The following TTLL4 variants were observed in gnomAD, a reference collection of about 807,000 sequenced individuals.
The protein encoded by TTLL4 is tubulin tyrosine ligase like 4, also known as tubulin monoglutamylase TTLL4.
Under a neutral mutation model 122.7 loss-of-function variants are expected in TTLL4, and 85 were observed. That is an observed-to-expected ratio of 0.69 (90% CI 0.58 to 0.83). The LOEUF (loss-of-function observed/expected upper bound fraction) is 0.83. TTLL4 is among the 40% of genes least tolerant of loss of function. The pLI is 0.00. For synonymous variants in TTLL4, 553 were observed against 563.0 expected, an observed-to-expected ratio of 0.98 and a Z score of 0.25; for missense variants, 1,363 against 1,488.6, an observed-to-expected ratio of 0.92 and a Z score of 1.39.
At chr2:218,725,361 A>C (rs1043692668) in intron 1 of TTLL4, among the ~76,000 whole-genome samples, 10 of 151,766 alleles carry the variant, frequency 6.6e-5, no homozygotes, top group African/African-American at 2.2e-4. Context: ...CTGGGATTAC[A>C]GGCATGTGCC....
In TTLL4 at chr2:218,747,160, A is replaced by T. The variant is rs1245043080; in HGVS notation, c.2132A>T (p.Glu711Val). 1.2e-6 allele frequency: 2 copies of T among 1,614,100 alleles called. No individual in the cohort carries two copies. Among genetic ancestry groups the T allele is most frequent in the African/African-American group, 2.7e-5 (2 of 74,946 alleles). The change falls in exon 9 of 20, where the codon GAG becomes GTG. Residue 711 changes from glutamate to valine, a missense_variant. Physicochemically the swap from Glu to Val is moderately radical, Grantham distance 121. Around this residue, in one of 3 missense-constraint regions of TTLL4, gnomAD observed 596 missense variants for 655.8 expected, o/e 0.91. Transcript: ENST00000392102. The surrounding 1 kb of genome is among the most constrained non-coding windows in gnomAD (Gnocchi z 4.7). ...QDAKLLRKAW[E>V]SSSRQKWIVK... ...GCCAAGCTCCTGCGCAAAGCGTGGG[A>T]GAGCAGCAGCCGCCAAAAGTGGATT...
intron 5 of TTLL4, among the ~76,000 whole-genome samples, chr2:218,743,882 T>C (rs866613447): frequency 6.6e-6 from 1 of 152,190 alleles, no homozygotes; most frequent in South Asian, 2.1e-4. Flanking sequence ...TTTCCCCATG[T>C]TGGTCAGGCT....
intron 1 of TTLL4, among the ~76,000 whole-genome samples, chr2:218,711,644 G>A (rs1044963004): frequency 7.2e-5 from 11 of 152,092 alleles, no homozygotes; most frequent in African/African-American, 2.7e-4. Context: ...TGGCTAATAG[G>A]ACAAGCATGT....
intron 1 of TTLL4, among the ~76,000 whole-genome samples, chr2:218,721,790 T>C (rs971716824): frequency 2.6e-5 from 4 of 152,114 alleles, no homozygotes; most frequent in Admixed American, 1.3e-4. Flanking sequence ...TTCTGGAAGA[T>C]AGACAGATAG....
rs376249197 is a variant in TTLL4, at chr2:218,748,887, C to T, written c.2553C>T (p.Asp851=). 40 of 1,614,002 alleles carry T rather than the reference C, an allele frequency of 2.5e-5. No homozygotes were observed. The highest frequency in any genetic ancestry group is 2.5e-4 in the East Asian group (11 of 44,860). The change falls in exon 13 of 20, where the codon GAC becomes GAT. Residue 851 remains aspartate (D), a synonymous_variant. Transcript: ENST00000392102. Reference sequence around the variant, plus strand: ...TGAGCCAGAAGGGAGTCAATAGCGACGCCATCTGGGAGAAGATAAAGGATG... The same window carrying T: ...TGAGCCAGAAGGGAGTCAATAGCGATGCCATCTGGGAGAAGATAAAGGATG... ...NYLSQKGVNS[D]AIWEKIKDVV...
chr2:218,715,379 A>G (rs111593419), intron 1 of TTLL4, among the ~76,000 whole-genome samples: 2 of 152,334 alleles, frequency 1.3e-5, no homozygotes, highest in African/African-American at 4.8e-5. Context: ...ATCAGTGAAC[A>G]TTTCATACTT....
At chr2:218,718,435 A>G (rs1450099041) in intron 1 of TTLL4, among the ~76,000 whole-genome samples, 12 of 151,044 alleles carry the variant, frequency 7.9e-5, no homozygotes, top group Admixed American at 7.3e-4. Context: ...CTGGAGTGCA[A>G]TGGCGCAATC....
chr2:218,718,584 C>G (rs1467382201), intron 1 of TTLL4, among the ~76,000 whole-genome samples: 2 of 152,046 alleles, frequency 1.3e-5, no homozygotes, highest in African/African-American at 4.8e-5. Flanking sequence ...CTCCATGTTG[C>G]TCAGGCTGGT....
chr2:218,746,738 A>C, intron 8 of TTLL4: 1 of 501,910 alleles, frequency 2.0e-6, no homozygotes, highest in South Asian at 2.6e-5. Context: ...ATAGGGTTTC[A>C]TGGATAAAGA....
chr2:218,713,673 C>A (rs1197640511), intron 1 of TTLL4, among the ~76,000 whole-genome samples: 2 of 152,090 alleles, frequency 1.3e-5, no homozygotes, highest in African/African-American at 2.4e-5. Flanking sequence ...TCCAGGAAAA[C>A]CACAGAAAGA....
In TTLL4 at chr2:218,747,729, T is replaced by C. The variant is rs1559372760; in HGVS notation, c.2378+4T>C. ...TGGTCCGCTTTGCCAGTTGCAAGTA[T>C]GTGACAGTGGTGAGGTATCCTCTGA... On this transcript the variant is annotated splice_donor_region_variant and intron_variant, in intron 11 of 19. Transcript: ENST00000392102. This position sits in a 1 kb window ranked among gnomAD's most constrained non-coding sequence, Gnocchi z 4.7. 2 of 1,614,200 alleles carry C rather than the reference T, an allele frequency of 1.2e-6. No individual in the cohort carries two copies. The highest frequency in any genetic ancestry group is 1.7e-6 in the Non-Finnish European group (2 of 1,180,022).
chr2:218,733,098 CAGAA>C (rs1361661818), intron 2 of TTLL4, among the ~76,000 whole-genome samples: 2 of 152,114 alleles, frequency 1.3e-5, no homozygotes, highest in Non-Finnish European at 2.9e-5. Flanking sequence ...AGCTATTTCC[CAGAA>C]AGAGAGTTAC....
chr2:218,738,566 C>T lies in TTLL4; in HGVS notation c.890C>T (p.Thr297Ile), dbSNP rs992240454. Residue 297 changes from threonine to isoleucine, a missense_variant, in exon 3 of 20, where the codon ACC becomes ATC. Physicochemically the swap from Thr to Ile is moderately conservative, Grantham distance 89. Transcript: ENST00000392102. ...LSTASSHDTS[T>I]TSVASSWYNR... is the part of the protein sequence containing the mutation. ...ACCGCTAGCTCCCACGACACATCCA[C>T]CACCAGTGTTGCCTCTTCCTGGTAT... The T allele has an allele frequency of 1.2e-6, 2 of 1,614,070 alleles. No homozygotes were observed. Among genetic ancestry groups the T allele is most frequent in the African/African-American group, 1.3e-5 (1 of 74,930 alleles).
intron 6 of TTLL4, 124 bp downstream of exon 6, chr2:218,745,357 CTG>C (rs1559370967): frequency 8.3e-6 from 11 of 1,323,860 alleles, no homozygotes; most frequent in Admixed American, 1.9e-5. Flanking sequence ...AGTTGTCACA[CTG>C]TGCTCAGTTC....
intron 1 of TTLL4, among the ~76,000 whole-genome samples, chr2:218,716,080 C>G (rs1388928083): frequency 6.6e-6 from 1 of 152,166 alleles, no homozygotes; most frequent in Non-Finnish European, 1.5e-5. Context: ...TCAAAAAAAT[C>G]ATATCACCAC....
In TTLL4 at chr2:218,746,033, G is replaced by A. The variant is rs1942833289; in HGVS notation, c.1898-122G>A. 4 of 1,170,290 alleles carry A rather than the reference G, an allele frequency of 3.4e-6. No individual in the cohort carries two copies. In the East Asian group the frequency reaches 9.3e-5, roughly 27 times the overall value. The allele number at this position is 1,170,290 out of a possible 1,614,324, so 72.5% of individuals were successfully genotyped here. The stretch of plus-strand genomic sequence containing the variant: ...TGGCCCCAGGGCCTCATGTAGGACA[G>A]CTCCATAGCAACTCTTTGAAAACCA... On this transcript the variant is annotated intron_variant, in intron 7 of 19. Transcript: ENST00000392102.
At chr2:218,759,597 A>G (rs1190215433), downstream of TTLL4, among the ~76,000 whole-genome samples, 1 of 152,160 alleles carries the variant, frequency 6.6e-6, no homozygotes, top group African/African-American at 2.4e-5. Flanking sequence ...CATGGTGGGA[A>G]GATTCTGTAT....
At chr2:218,749,172 G>A (rs1034005344) in intron 13 of TTLL4, 81 bp from the exon 14 acceptor site, 14 of 1,568,398 alleles carry the variant, frequency 8.9e-6, no homozygotes, top group South Asian at 1.2e-5. Flanking sequence ...CCTATCTCTG[G>A]GCCACTCTTT....
chr2:218,756,335 T>C (rs896112229), downstream of TTLL4, among the ~76,000 whole-genome samples: 1 of 151,950 alleles, frequency 6.6e-6, no homozygotes, highest in Admixed American at 6.6e-5. Flanking sequence ...ATGGGGGTAT[T>C]GGGGGAAGCA....
Sources: allele counts gnomAD v4.1 joint callset (sites outside exome capture counted in the v4.1 genomes callset), GRCh38; gene constraint gnomAD v4.1.1; regional missense constraint gnomAD v4.1.1; non-coding constraint Gnocchi (gnomAD v3.1); transcripts MANE v1.5; gene names NCBI Gene and HGNC (gene_info 2026-07-23, HGNC 2026-07-21).